Variants in SLC24A4 observed in about 807,000 individuals in gnomAD.
SLC24A4 encodes the protein solute carrier family 24 member 4, also known as sodium/potassium/calcium exchanger 4.
Under a neutral mutation model 79.0 loss-of-function variants are expected in SLC24A4, and 53 were observed. That is an observed-to-expected ratio of 0.67 (90% CI 0.54 to 0.84). SLC24A4 has a LOEUF of 0.84. Ranked by LOEUF, SLC24A4 falls within the 40% of genes least tolerant of loss-of-function variation. SLC24A4 has a pLI of 0.00. For synonymous variants in SLC24A4, 323 were observed against 323.8 expected (o/e 1.00, Z 0.03); for missense variants, 731 against 822.0 (o/e 0.89, Z 1.35).
Position 92,429,185 on chromosome 14 carries a change from T to C in SLC24A4, c.242-4727T>C, listed in dbSNP as rs577681438. Among the ~76,000 whole-genome samples, 7 of 152,222 alleles carry C rather than the reference T, an allele frequency of 4.6e-5. No homozygotes were observed. The East Asian group carries it at 1.2e-3, about 25-fold the overall frequency. ...GCTCCTATAACAAACTATGGTAAAC[T>C]GGGCAGCTTAAACAACCAGGAGTAG... On this transcript the variant is annotated intron_variant, in intron 2 of 16. Coordinates refer to ENST00000532405, the MANE Select transcript of SLC24A4 (RefSeq NM_153646.4).
chr14:92,409,419 C>T (rs1370857467), intron 2 of SLC24A4, among the ~76,000 whole-genome samples: 1 of 152,214 alleles, frequency 6.6e-6, no homozygotes, highest in African/African-American at 2.4e-5. Context: ...GCAGCGCATT[C>T]AGTGTTATTT....
Position 92,387,397 on chromosome 14 carries a change from G to A in SLC24A4, c.242-46515G>A, listed in dbSNP as rs564594250. On this transcript the variant is annotated intron_variant, in intron 2 of 16. Transcript: ENST00000532405. ...TTGCCATGTTGACTAGGCTGACCTC[G>A]AACTCTTGGCTTCCTGTGATTTGCC... is the stretch of plus-strand genomic sequence containing the variant. Among the ~76,000 whole-genome samples, 14 of 152,018 alleles carry A rather than the reference G, an allele frequency of 9.2e-5. No homozygotes were observed. In the South Asian group the frequency reaches 2.1e-3, roughly 23 times the overall value.
At chr14:92,375,219 T>C (rs576813671) in intron 2 of SLC24A4, among the ~76,000 whole-genome samples, 1 of 152,200 alleles carries the variant, frequency 6.6e-6, no homozygotes, top group Non-Finnish European at 1.5e-5. Context: ...ATTGAGTGTT[T>C]TATTAAGAGA....
At chr14:92,456,253 G>T in intron 11 of SLC24A4, 151 bp from the exon 12 acceptor site, 1 of 693,352 alleles carries the variant, frequency 1.4e-6, no homozygotes, top group Non-Finnish European at 2.5e-6. Context: ...GGATTCCAAG[G>T]TCCTGGGGCT....
rs774578690 is a variant in SLC24A4, at chr14:92,445,335, A to G, written c.676A>G (p.Ile226Val). 5.0e-6 allele frequency: 8 copies of G among 1,613,954 alleles called. No homozygotes were observed. The East Asian group carries it at 1.3e-4, about 27-fold the overall frequency. The stretch of plus-strand genomic sequence containing the variant: ...CTTACAGTTCATATATGATGAACAA[A>G]TTGTGTGGTAAGTTTTTCAAGTGTA... ...VLIVFIYDEQ[I>V]VWWEGLVLII... is the part of the protein sequence containing the mutation. Residue 226 changes from isoleucine (I) to valine (V), a missense_variant, in exon 8 of 17, where the codon ATT (isoleucine) becomes GTT (valine). Ile to Val is a conservative substitution (Grantham distance 29). Coordinates refer to ENST00000532405, the MANE Select transcript of SLC24A4 (RefSeq NM_153646.4).
At chr14:92,413,331 C>T (rs1890821204) in intron 2 of SLC24A4, among the ~76,000 whole-genome samples, 1 of 152,126 alleles carries the variant, frequency 6.6e-6, no homozygotes, top group Admixed American at 6.5e-5. Flanking sequence ...TGGGCTCCCT[C>T]CCGCCCCCCT....
rs1433450144 is a variant in SLC24A4, at chr14:92,438,079, G to A, written c.319-1256G>A. 3.3e-5 allele frequency among the ~76,000 whole-genome samples: 5 copies of A among 152,088 alleles called. No individual in the cohort carries two copies. The South Asian group carries it at 6.2e-4, about 19-fold the overall frequency. ...TCTAACTCAATTCAGTTCTGACACC[G>A]TACCTAGAGACAGCGGCAGCTCCCA... On this transcript the variant is annotated intron_variant, in intron 3 of 16. Transcript: ENST00000532405.
Position 92,362,638 on chromosome 14 carries a change from A to G in SLC24A4, c.241+36660A>G, listed in dbSNP as rs189604526. 2.0e-5 allele frequency among the ~76,000 whole-genome samples: 3 copies of G among 152,282 alleles called. No individual in the cohort carries two copies. The East Asian group carries it at 5.8e-4, about 30-fold the overall frequency. ...TGCCGGGGGATGGACATTTTGGCTA[A>G]AAACAAGGGATGTGTTTTCTGAAGT... On this transcript the variant is annotated intron_variant, in intron 2 of 16. Coordinates refer to ENST00000532405, the MANE Select transcript of SLC24A4 (RefSeq NM_153646.4).
At chr14:92,324,774 G>A (rs1416236369) in intron 1 of SLC24A4, among the ~76,000 whole-genome samples, 4 of 152,142 alleles carry the variant, frequency 2.6e-5, no homozygotes, top group East Asian at 1.9e-4. Flanking sequence ...TTTTTTAAAT[G>A]TAAAAAGACA....
At chr14:92,435,493 T>C (rs1202955903) in intron 3 of SLC24A4, among the ~76,000 whole-genome samples, 1 of 152,192 alleles carries the variant, frequency 6.6e-6, no homozygotes, top group Non-Finnish European at 1.5e-5. Flanking sequence ...GTTTGCTGAC[T>C]CTATTGTGTG....
chr14:92,487,383 C>T (rs1300453122), intron 14 of SLC24A4, among the ~76,000 whole-genome samples: 1 of 152,170 alleles, frequency 6.6e-6, no homozygotes, highest in Non-Finnish European at 1.5e-5. Flanking sequence ...TTCCTCACAG[C>T]ACAGAGTTTG....
intron 2 of SLC24A4, among the ~76,000 whole-genome samples, chr14:92,409,200 G>T (rs1012331154): frequency 6.6e-6 from 1 of 152,190 alleles, no homozygotes; most frequent in African/African-American, 2.4e-5. Context: ...GGCCAGGAAG[G>T]GGTCCAGGAA....
chr14:92,413,967 C>T (rs1890853926), intron 2 of SLC24A4, among the ~76,000 whole-genome samples: 1 of 152,096 alleles, frequency 6.6e-6, no homozygotes, highest in Non-Finnish European at 1.5e-5. Context: ...TGTTCCCAGC[C>T]ACCCAGTTTT....
chr14:92,460,556 G>A (rs1457547177), intron 12 of SLC24A4, among the ~76,000 whole-genome samples: 1 of 152,142 alleles, frequency 6.6e-6, no homozygotes, highest in African/African-American at 2.4e-5. Flanking sequence ...CACCTGTTAT[G>A]TGCCAGGTCT....
chr14:92,485,528 A>G (rs556804647), intron 13 of SLC24A4, among the ~76,000 whole-genome samples: 14 of 152,142 alleles, frequency 9.2e-5, no homozygotes, highest in Non-Finnish European at 1.9e-4. Flanking sequence ...AGAGATAAAG[A>G]AAACTGTGCC....
chr14:92,449,281 T>TACAC lies in SLC24A4; in HGVS notation c.880+104_880+107dup, dbSNP rs36228701. ...GGAAGCCACTCTCTCCTCTTTTGTG[T>TACAC]ACACACACACACACACACACACACA... is the stretch of plus-strand genomic sequence containing the variant. On this transcript the variant is annotated intron_variant, in intron 10 of 16. Coordinates refer to ENST00000532405, the MANE Select transcript of SLC24A4 (RefSeq NM_153646.4). 1.5e-3 allele frequency: 1,311 copies of TACAC among 869,492 alleles called. 1 individual carries two copies. The highest frequency in any genetic ancestry group is 3.3e-3 in the African/African-American group (186 of 56,582). The allele number at this position is 869,492 out of a possible 1,614,324, so 53.9% of individuals were successfully genotyped here.
At chr14:92,354,745 C>G (rs1397388961) in intron 2 of SLC24A4, among the ~76,000 whole-genome samples, 1 of 152,016 alleles carries the variant, frequency 6.6e-6, no homozygotes, top group Non-Finnish European at 1.5e-5. Flanking sequence ...TATTTTGGCT[C>G]CCAGAGCACA....
At chr14:92,465,664 C>T (rs1162174333) in intron 12 of SLC24A4, among the ~76,000 whole-genome samples, 1 of 152,156 alleles carries the variant, frequency 6.6e-6, no homozygotes, top group Non-Finnish European at 1.5e-5. Context: ...AGCGAGGAAG[C>T]ATACACAGGA....
chr14:92,435,321 A>G (rs1653715064), intron 3 of SLC24A4, among the ~76,000 whole-genome samples: 1 of 152,258 alleles, frequency 6.6e-6, no homozygotes, highest in Non-Finnish European at 1.5e-5. Context: ...AGTCTGGCTC[A>G]ATGCCTATTT....
Sources: allele counts gnomAD v4.1 joint callset (sites outside exome capture counted in the v4.1 genomes callset), GRCh38; gene constraint gnomAD v4.1.1; transcripts MANE v1.5; gene names NCBI Gene and HGNC (gene_info 2026-07-23, HGNC 2026-07-21).